Variants in CEP350 observed in about 807,000 individuals in gnomAD.
CEP350 encodes centrosome-associated protein 350.
CEP350 carries 126 observed loss-of-function variants against 331.8 expected under a neutral mutation model. That is an observed-to-expected ratio of 0.38 (90% CI 0.33 to 0.44). CEP350 has a LOEUF of 0.44. CEP350 is among the 20% of genes least tolerant of loss of function. CEP350 has a pLI of 1.00. For synonymous variants in CEP350, 1,200 were observed against 1,259.5 expected (o/e 0.95, Z 1.00); for missense variants, 3,406 against 3,634.6 (o/e 0.94, Z 1.62).
chr1:180,008,202 A>G (rs1406061536), intron 8 of CEP350, among the ~76,000 whole-genome samples: 1 of 152,174 alleles, frequency 6.6e-6, no homozygotes, highest in Non-Finnish European at 1.5e-5. Context: ...TGGAAGTCTG[A>G]ATAGATCAAG....
rs745667197 is a variant in CEP350 at position 179,996,981 on chromosome 1, G to A, written c.824G>A (p.Arg275Gln). 11 of 1,613,758 alleles carry A rather than the reference G, an allele frequency of 6.8e-6. No individual in the cohort carries two copies. In the South Asian group the frequency reaches 8.8e-5, roughly 13 times the overall value. ...TCCCAAAGATTAGATATTCTAAAGC[G>A]GCGACAACATGATGTCAAACTGGAA... The part of the protein sequence containing the change: ...SNSQRLDILK[R>Q]RQHDVKLEKL... The change falls in exon 6 of 38, where the codon CGG becomes CAG. Residue 275 changes from arginine to glutamine, a missense_variant. Transcript: ENST00000367607.
At chr1:180,068,208 C>CT in intron 27 of CEP350, among the ~76,000 whole-genome samples, 1 of 152,074 alleles carries the variant, frequency 6.6e-6, no homozygotes, top group Admixed American at 6.6e-5. Flanking sequence ...GAAAGATTTC[C>CT]TTTTTTAATA....
chr1:180,107,955 G>A (rs772909674), intron 37 of CEP350, among the ~76,000 whole-genome samples: 4 of 151,766 alleles, frequency 2.6e-5, no homozygotes, highest in African/African-American at 7.3e-5. Context: ...GAGCAGGATC[G>A]GGGAAATGAG....
At chr1:179,998,700 C>A (rs750446939) in intron 6 of CEP350, among the ~76,000 whole-genome samples, 2 of 152,006 alleles carry the variant, frequency 1.3e-5, no homozygotes, top group Non-Finnish European at 2.9e-5. Flanking sequence ...TCTAATTTTT[C>A]TCTAACAAGT....
chr1:179,957,500 G>A (rs1650255259), intron 1 of CEP350, among the ~76,000 whole-genome samples: 1 of 152,132 alleles, frequency 6.6e-6, no homozygotes. Flanking sequence ...TGGTCTGTAA[G>A]TTCCATGATG....
intron 37 of CEP350, among the ~76,000 whole-genome samples, chr1:180,103,083 G>A (rs1024835436): frequency 6.6e-6 from 1 of 152,202 alleles, no homozygotes; most frequent in African/African-American, 2.4e-5. Flanking sequence ...TTAAGAGGTG[G>A]TATCTGATTT....
chr1:180,054,367 A>T, intron 24 of CEP350, 48 bp from the exon 25 acceptor site: 1 of 1,399,426 alleles, frequency 7.1e-7, no homozygotes, highest in East Asian at 2.5e-5. Context: ...TATTCAGGTA[A>T]GAGAAATTTA....
At chr1:180,089,463 A>G (rs1233912782) in intron 32 of CEP350, among the ~76,000 whole-genome samples, 1 of 152,008 alleles carries the variant, frequency 6.6e-6, no homozygotes, top group Non-Finnish European at 1.5e-5. Flanking sequence ...TGCGACTGTA[A>G]TCCCAGCTAC....
intron 31 of CEP350, chr1:180,085,921 A>G (rs999113621): frequency 2.6e-5 from 4 of 152,190 alleles, no homozygotes; most frequent in Admixed American, 2.0e-4. Flanking sequence ...TAATCCTCAC[A>G]ACAAGGTGTG....
At chr1:179,983,135 G>C (rs1241527159) in intron 1 of CEP350, among the ~76,000 whole-genome samples, 5 of 151,998 alleles carry the variant, frequency 3.3e-5, no homozygotes, top group African/African-American at 7.3e-5. Flanking sequence ...AAAGTTTTAT[G>C]GTTGATAAAA....
rs1023112780 is a variant in CEP350, at chr1:180,112,438, A to G, written c.*1277A>G. ...AATTTAACTCTGCCTCTCTTGCAGC[A>G]TTGCTTCTCACAACTATTACCTGCA... On this transcript the variant is annotated 3_prime_UTR_variant, in exon 38 of 38. Transcript: ENST00000367607. 6.6e-6 allele frequency: 1 copy of G among 152,624 alleles called. No homozygotes were observed. The highest frequency in any genetic ancestry group is 2.4e-5 in the African/African-American group (1 of 41,448). The allele number at this position is 152,624 out of a possible 1,614,324, so 9.5% of individuals were successfully genotyped here. A position where few individuals can be genotyped will look rare whatever the true frequency, so the allele number is the denominator to read the frequency against.
intron 13 of CEP350, among the ~76,000 whole-genome samples, chr1:180,023,118 G>A (rs1485325455): frequency 6.6e-6 from 1 of 152,026 alleles, no homozygotes; most frequent in East Asian, 1.9e-4. Context: ...GACATTAATA[G>A]TACCTGCCTG....
At chr1:180,102,134 ATT>A (rs750296355) in intron 37 of CEP350, among the ~76,000 whole-genome samples, 11,820 of 133,682 alleles carry the variant, frequency 0.088, 559 homozygotes, top group Non-Finnish European at 0.13. Context: ...CACCCTTGAC[ATT>A]TTTTTTTTTT....
At chr1:180,110,751 TA>T (rs1041909457) in intron 37 of CEP350, among the ~76,000 whole-genome samples, 1 of 152,254 alleles carries the variant, frequency 6.6e-6, no homozygotes, top group Non-Finnish European at 1.5e-5. Flanking sequence ...TGGTAATCTT[TA>T]ATATATATGA....
chr1:180,062,145 G>A lies in CEP350; in HGVS notation c.5263-75G>A, dbSNP rs1269235965. ...TGTATTTATTTTTAATATATGTGCT[G>A]ATTTTTTTTTTAAATATTACTTTGG... On this transcript the variant is annotated intron_variant, in intron 25 of 37. Transcript: ENST00000367607. 3.9e-6 allele frequency: 5 copies of A among 1,293,328 alleles called. No homozygotes were observed. In the African/African-American group the frequency reaches 7.6e-5, roughly 20 times the overall value. 80.1% of individuals were successfully genotyped at this position (1,293,328 alleles called of 1,614,324 possible). A position where few individuals can be genotyped will look rare whatever the true frequency, so the allele number is the denominator to read the frequency against.
chr1:180,091,804 G>A (rs1660214500), intron 33 of CEP350, among the ~76,000 whole-genome samples: 1 of 151,062 alleles, frequency 6.6e-6, no homozygotes, highest in Admixed American at 6.6e-5. Flanking sequence ...ACTCCAGCTT[G>A]GGTGACAAAT....
chr1:179,956,306 C>A (rs1228613383), intron 1 of CEP350, among the ~76,000 whole-genome samples: 1 of 152,180 alleles, frequency 6.6e-6, no homozygotes, highest in African/African-American at 2.4e-5. Context: ...TGAAAATAAA[C>A]TTCAAGCTAG....
intron 15 of CEP350, among the ~76,000 whole-genome samples, chr1:180,032,242 GAC>G (rs1656074594): frequency 6.6e-6 from 1 of 152,158 alleles, no homozygotes; most frequent in East Asian, 1.9e-4. Context: ...GCTCTGAGAA[GAC>G]ACAGATTTAT....
chr1:179,968,639 T>C lies in CEP350; in HGVS notation c.-14+13497T>C, dbSNP rs140475552. 4.9e-4 allele frequency: 200 copies of C among 408,258 alleles called. 1 individual carries two copies. The East Asian group carries it at 0.012, about 24-fold the overall frequency. The allele number at this position is 408,258 out of a possible 1,614,324, so 25.3% of individuals were successfully genotyped here. On this transcript the variant is annotated intron_variant, in intron 1 of 37. Transcript: ENST00000367607. ...GGGGTGCATACAGTGTTGTTCTGGA[T>C]TCCCATTGTAACTTAAAGGGAAACT...
Sources: gnomAD v4.1 joint callset for allele counts (sites outside exome capture counted in the v4.1 genomes callset) on GRCh38, gnomAD v4.1.1 for gene constraint, MANE v1.5 for transcripts, NCBI Gene and HGNC (gene_info 2026-07-23, HGNC 2026-07-21) for gene names.